THSD4: variants seen among roughly 807,000 people sequenced by gnomAD.
THSD4 encodes the protein thrombospondin type-1 domain-containing protein 4.
A neutral mutation model predicts 119.0 loss-of-function variants in THSD4; 69 were observed. The ratio of observed to expected loss-of-function variants is 0.58; its 90% CI spans 0.48 to 0.71. The LOEUF (loss-of-function observed/expected upper bound fraction) is 0.71. Among genes scored for constraint, THSD4 ranks in the 30% least tolerant of loss-of-function variants. The pLI is 0.00. For missense variants in THSD4, 1,393 were observed against 1,391.1 expected (o/e 1.00, Z -0.02); for synonymous variants, 524 against 540.4 (o/e 0.97, Z 0.42).
At chr15:71,283,265 G>A (rs913816451) in intron 6 of THSD4, among the ~76,000 whole-genome samples, 12 of 152,128 alleles carry the variant, frequency 7.9e-5, no homozygotes, top group Non-Finnish European at 1.2e-4. Context: ...CATCGCGCCC[G>A]GCCAGGTCAG....
intron 1 of THSD4, among the ~76,000 whole-genome samples, chr15:71,128,476 A>T (rs2040473863): frequency 6.6e-6 from 1 of 151,720 alleles, no homozygotes; most frequent in Admixed American, 6.6e-5. Flanking sequence ...GCCATGAGCC[A>T]AGATCACGCC....
intron 3 of THSD4, among the ~76,000 whole-genome samples, chr15:71,199,908 A>G (rs1460916459): frequency 2.8e-5 from 1 of 35,490 alleles, no homozygotes; most frequent in Admixed American, 4.8e-4. Flanking sequence ...TGTGTGGTGC[A>G]TGTGTGGGGT....
intron 6 of THSD4, among the ~76,000 whole-genome samples, chr15:71,311,584 AC>A (rs2045111909): frequency 6.6e-6 from 1 of 152,140 alleles, no homozygotes; most frequent in Non-Finnish European, 1.5e-5. Flanking sequence ...CTAACTGTGC[AC>A]TGATCCTTGC....
intron 10 of THSD4, among the ~76,000 whole-genome samples, chr15:71,735,475 T>TCA (rs1163631181): frequency 2.0e-5 from 3 of 152,038 alleles, no homozygotes; most frequent in African/African-American, 7.2e-5. Flanking sequence ...TCTCTCTTTC[T>TCA]CACTAGCTCT....
At chr15:71,647,787 G>A (rs148457263) in intron 7 of THSD4, among the ~76,000 whole-genome samples, 4 of 152,252 alleles carry the variant, frequency 2.6e-5, no homozygotes, top group Non-Finnish European at 1.5e-5. Flanking sequence ...CTTCATGGGG[G>A]GTAAATCAGC....
intron 4 of THSD4, among the ~76,000 whole-genome samples, chr15:71,235,413 C>A (rs2140268048): frequency 6.6e-6 from 1 of 152,284 alleles, no homozygotes; most frequent in Middle Eastern, 3.4e-3. Flanking sequence ...CTTAGATTTT[C>A]TCCACAGAAT....
intron 6 of THSD4, among the ~76,000 whole-genome samples, chr15:71,379,066 G>T (rs922466027): frequency 6.6e-6 from 1 of 152,204 alleles, no homozygotes; most frequent in African/African-American, 2.4e-5. Context: ...TTATAGGCAT[G>T]AGCCACCATG....
chr15:71,535,558 G>A (rs1595865700), intron 7 of THSD4, among the ~76,000 whole-genome samples: 1 of 152,084 alleles, frequency 6.6e-6, no homozygotes. Flanking sequence ...CTTTTCCAAG[G>A]CAGCCGCACC....
At chr15:71,285,722 T>C (rs1466236230) in intron 6 of THSD4, among the ~76,000 whole-genome samples, 1 of 151,914 alleles carries the variant, frequency 6.6e-6, no homozygotes, top group Non-Finnish European at 1.5e-5. Flanking sequence ...GGCGTAGTGG[T>C]GTGCACCTGT....
intron 6 of THSD4, among the ~76,000 whole-genome samples, chr15:71,387,382 G>A (rs2140461990): frequency 6.6e-6 from 1 of 152,268 alleles, no homozygotes; most frequent in Non-Finnish European, 1.5e-5. Flanking sequence ...GGGTTTCACT[G>A]TAGACAGACA....
intron 7 of THSD4, among the ~76,000 whole-genome samples, chr15:71,418,553 T>C (rs2046781064): frequency 9.1e-6 from 1 of 109,480 alleles, no homozygotes. Flanking sequence ...CTATGATATA[T>C]CACATTAATT....
intron 7 of THSD4, among the ~76,000 whole-genome samples, chr15:71,528,188 GAA>G (rs1212340167): frequency 6.6e-6 from 1 of 152,126 alleles, no homozygotes; most frequent in African/African-American, 2.4e-5. Context: ...AGCTAACTTG[GAA>G]ACTCTCCCTC....
chr15:71,133,218 C>T (rs1453118498), intron 1 of THSD4, among the ~76,000 whole-genome samples: 1 of 152,176 alleles, frequency 6.6e-6, no homozygotes, highest in African/African-American at 2.4e-5. Context: ...ACCTGCATCT[C>T]ATCACGGCTG....
chr15:71,737,191 G>A (rs535383649), intron 10 of THSD4, among the ~76,000 whole-genome samples: 25 of 152,270 alleles, frequency 1.6e-4, no homozygotes, highest in Middle Eastern at 3.4e-3. Context: ...AAATATTTGC[G>A]GAACAGATGT....
At chr15:71,203,724 A>T (rs1045690273) in intron 3 of THSD4, among the ~76,000 whole-genome samples, 2 of 152,100 alleles carry the variant, frequency 1.3e-5, no homozygotes, top group Non-Finnish European at 2.9e-5. Flanking sequence ...TAAGGCAGGG[A>T]ATCCAGGTAA....
At chr15:71,231,792 T>G in intron 4 of THSD4, among the ~76,000 whole-genome samples, 1 of 152,126 alleles carries the variant, frequency 6.6e-6, no homozygotes, top group East Asian at 1.9e-4. Flanking sequence ...AATTTTTATT[T>G]CCCTAAGTGG....
intron 3 of THSD4, among the ~76,000 whole-genome samples, chr15:71,169,305 T>C (rs747625702): frequency 2.0e-5 from 3 of 152,306 alleles, no homozygotes; most frequent in Non-Finnish European, 2.9e-5. Context: ...TAGGAAGCAA[T>C]TGGAACTTTC....
At chr15:71,348,009 A>G (rs1471690653) in intron 6 of THSD4, 2 of 152,334 alleles carry the variant, frequency 1.3e-5, no homozygotes, top group Admixed American at 1.3e-4. Flanking sequence ...GCCCCAGACC[A>G]TCCATAATAC....
intron 8 of THSD4, among the ~76,000 whole-genome samples, chr15:71,671,463 T>C (rs1018961664): frequency 3.9e-5 from 6 of 152,372 alleles, no homozygotes; most frequent in African/African-American, 1.4e-4. Context: ...TAGTTTGTTT[T>C]GCTGTGCAGA....
Sources: gnomAD v4.1 joint callset for allele counts (sites outside exome capture counted in the v4.1 genomes callset) on GRCh38, gnomAD v4.1.1 for gene constraint, MANE v1.5 for transcripts, NCBI Gene and HGNC (gene_info 2026-07-23, HGNC 2026-07-21) for gene names.